The following ADAMTSL1 variants were observed in gnomAD, a reference collection of about 807,000 sequenced individuals.
ADAMTSL1 encodes ADAMTS like 1, also known as ADAMTS-like protein 1.
A neutral mutation model predicts 201.8 loss-of-function variants in ADAMTSL1; 126 were observed. The observed-to-expected ratio is 0.62, with a 90% CI of 0.54 to 0.72. ADAMTSL1 has a LOEUF of 0.72. ADAMTSL1 is among the 30% of genes least tolerant of loss of function. ADAMTSL1 has a pLI of 0.00. For synonymous variants in ADAMTSL1, 1,121 were observed against 903.4 expected, an observed-to-expected ratio of 1.24 and a Z score of -4.32; for missense variants, 2,679 against 2,277.8, an observed-to-expected ratio of 1.18 and a Z score of -3.59.
At chr9:18,896,963 A>T (rs1339670381) in intron 26 of ADAMTSL1, among the ~76,000 whole-genome samples, 1 of 152,166 alleles carries the variant, frequency 6.6e-6, no homozygotes, top group African/African-American at 2.4e-5. Flanking sequence ...CGAGTGCATC[A>T]GGCTGGAGAC....
chr9:18,097,841 C>G (rs1182818067), intron 1 of ADAMTSL1, among the ~76,000 whole-genome samples: 1 of 151,308 alleles, frequency 6.6e-6, no homozygotes, highest in Non-Finnish European at 1.5e-5. Context: ...TATTTGTTCA[C>G]TTTTTTCTCT....
intron 4 of ADAMTSL1, among the ~76,000 whole-genome samples, chr9:18,589,892 T>C (rs899137359): frequency 6.6e-6 from 1 of 152,214 alleles, no homozygotes; most frequent in African/African-American, 2.4e-5. Context: ...ATGTTGATCA[T>C]CCTTGCATCC....
intron 2 of ADAMTSL1, among the ~76,000 whole-genome samples, chr9:18,249,890 G>C (rs1480612667): frequency 2.0e-5 from 3 of 152,142 alleles, no homozygotes; most frequent in Admixed American, 2.0e-4. Flanking sequence ...AGGGTTCTCC[G>C]AGGGGCAATC....
chr9:18,276,360 T>C (rs1198113496), intron 2 of ADAMTSL1, among the ~76,000 whole-genome samples: 3 of 152,216 alleles, frequency 2.0e-5, no homozygotes, highest in Non-Finnish European at 4.4e-5. Context: ...TGAAGTGCAA[T>C]GTATATATTT....
rs528482183 is a variant in ADAMTSL1, at chr9:18,839,663, G to A, written c.4249+9686G>A. On this transcript the variant is annotated intron_variant, in intron 23 of 28. Coordinates refer to ENST00000380548, the MANE Select transcript of ADAMTSL1 (RefSeq NM_001040272.6). The stretch of plus-strand genomic sequence containing the variant: ...ACAGTCCCACCAACAGTGTAAAAGT[G>A]TTCCTATTTCTCCACATCCTCTCCA... Among the ~76,000 whole-genome samples, 707 of 152,226 alleles carry A rather than the reference G, an allele frequency of 4.6e-3. 8 individuals are homozygous for A. The highest frequency in any genetic ancestry group is 0.013 in the African/African-American group (521 of 41,532).
At chr9:18,438,560 G>A (rs1019263371) in intron 2 of ADAMTSL1, among the ~76,000 whole-genome samples, 13 of 152,222 alleles carry the variant, frequency 8.5e-5, no homozygotes, top group African/African-American at 3.1e-4. Context: ...CCCCTTGCTC[G>A]GGTTTCAAGC....
In ADAMTSL1 at chr9:18,118,836, T is replaced by C. The variant is rs147770047; in HGVS notation, c.88-45026T>C. 3.3e-5 allele frequency among the ~76,000 whole-genome samples: 5 copies of C among 152,300 alleles called. No homozygotes were observed. In the East Asian group the frequency reaches 9.7e-4, roughly 29 times the overall value. Reference sequence around the variant, plus strand: ...GTTGATTTGAAGGTAGCGCTATCCCTAAGTTGTCTAATATCCCTGTATTTT... The same window carrying C: ...GTTGATTTGAAGGTAGCGCTATCCCCAAGTTGTCTAATATCCCTGTATTTT... On this transcript the variant is annotated intron_variant, in intron 1 of 29. Transcript: ENST00000680146.
chr9:18,706,032 T>C (rs1280542876), intron 13 of ADAMTSL1, among the ~76,000 whole-genome samples: 2 of 152,174 alleles, frequency 1.3e-5, no homozygotes, highest in Non-Finnish European at 2.9e-5. Flanking sequence ...AGTAAAGGAA[T>C]AAAAGGGTGG....
intron 8 of ADAMTSL1, among the ~76,000 whole-genome samples, chr9:18,659,758 C>A (rs974727960): frequency 6.6e-6 from 1 of 151,988 alleles, no homozygotes; most frequent in Non-Finnish European, 1.5e-5. Flanking sequence ...CAGAGCAAGA[C>A]CCTGTCTCAA....
chr9:18,618,210 T>C (rs375901563), intron 4 of ADAMTSL1, among the ~76,000 whole-genome samples: 2 of 152,216 alleles, frequency 1.3e-5, no homozygotes, highest in South Asian at 4.1e-4. Context: ...TCTGTTTCTT[T>C]GTGTGCACAG....
At chr9:18,622,397 T>C (rs750117413) in intron 5 of ADAMTSL1, 28 bp downstream of exon 5, 1 of 1,613,828 alleles carries the variant, frequency 6.2e-7, no homozygotes, top group African/African-American at 1.3e-5. Context: ...GGGCGACCTT[T>C]GGACTTGTTG....
rs755258812 is a variant in ADAMTSL1, at chr9:18,721,697, G to A, written c.2006+32G>A. On this transcript the variant is annotated intron_variant, in intron 15 of 28. Coordinates refer to ENST00000380548, the MANE Select transcript of ADAMTSL1 (RefSeq NM_001040272.6). Reference sequence around the variant, plus strand: ...GATGTGTGGCCTGCCCTGCTGTCCAGGGGCACGTACAGAACTGGGCGCATC... The same window carrying A: ...GATGTGTGGCCTGCCCTGCTGTCCAAGGGCACGTACAGAACTGGGCGCATC... 5 of 1,610,920 alleles carry A rather than the reference G, an allele frequency of 3.1e-6. No individual in the cohort carries two copies. The Admixed American group carries it at 8.4e-5, about 27-fold the overall frequency.
chr9:18,679,184 A>T (rs946182711), intron 10 of ADAMTSL1, among the ~76,000 whole-genome samples: 18 of 152,230 alleles, frequency 1.2e-4, no homozygotes, highest in African/African-American at 4.3e-4. Flanking sequence ...CCTACAGAAT[A>T]ATTAATGTCT....
intron 19 of ADAMTSL1, among the ~76,000 whole-genome samples, chr9:18,788,463 A>G (rs1247358295): frequency 6.9e-6 from 1 of 144,670 alleles, no homozygotes; most frequent in Non-Finnish European, 1.5e-5. Context: ...GGATGCTGTC[A>G]GTTTAAGAAC....
intron 2 of ADAMTSL1, among the ~76,000 whole-genome samples, chr9:18,523,463 G>A (rs35042945): frequency 6.6e-6 from 1 of 152,090 alleles, no homozygotes. Flanking sequence ...CCATTTGTCA[G>A]TTCTGGCTTT....
intron 3 of ADAMTSL1, among the ~76,000 whole-genome samples, chr9:18,558,465 A>G (rs1821249904): frequency 6.6e-6 from 1 of 152,204 alleles, no homozygotes; most frequent in African/African-American, 2.4e-5. Context: ...TGCTGGAATA[A>G]ACATATGTGT....
chr9:18,269,169 T>A (rs553384500), intron 2 of ADAMTSL1, among the ~76,000 whole-genome samples: 1 of 152,254 alleles, frequency 6.6e-6, no homozygotes, highest in South Asian at 2.1e-4. Flanking sequence ...TAAAGTAATG[T>A]GATATATTAT....
In ADAMTSL1 at chr9:18,777,505, G is replaced by A; in HGVS notation, c.3276G>A (p.Leu1092=). The A allele has an allele frequency of 6.3e-7, 1 of 1,596,954 alleles. No individual in the cohort carries two copies. Among genetic ancestry groups the A allele is most frequent in the Non-Finnish European group, 8.5e-7 (1 of 1,172,250 alleles). The stretch of plus-strand genomic sequence containing the variant: ...ACCTCTCCCAGCAGCCCGAGGAGCT[G>A]CGCGACCTCTACAGCAAGCACCTGG... ...LGNLSQQPEE[L]RDLYSKHLVA... Residue 1092 remains leucine (L), a synonymous_variant, in exon 19 of 29, where the codon CTG becomes CTA. Coordinates refer to ENST00000380548, the MANE Select transcript of ADAMTSL1 (RefSeq NM_001040272.6).
chr9:18,116,610 C>T (rs1825260593), intron 1 of ADAMTSL1, among the ~76,000 whole-genome samples: 1 of 152,152 alleles, frequency 6.6e-6, no homozygotes, highest in Admixed American at 6.5e-5. Flanking sequence ...TAAATAAAGA[C>T]AGGGGTTGCA....
Sources: gnomAD v4.1 joint callset for allele counts (sites outside exome capture counted in the v4.1 genomes callset) on GRCh38, gnomAD v4.1.1 for gene constraint, MANE v1.5 for transcripts, NCBI Gene and HGNC (gene_info 2026-07-23, HGNC 2026-07-21) for gene names.